ARAP3: variants seen among roughly 807,000 people sequenced by gnomAD.
ARAP3 encodes ArfGAP with RhoGAP domain, ankyrin repeat and PH domain 3, also known as arf-GAP with Rho-GAP domain, ANK repeat and PH domain-containing protein 3.
ARAP3 carries 82 observed loss-of-function variants against 169.2 expected under a neutral mutation model. The ratio of observed to expected loss-of-function variants is 0.48; its 90% CI spans 0.41 to 0.58. ARAP3 has a LOEUF of 0.58. Ranked by LOEUF, ARAP3 falls within the 20% of genes least tolerant of loss-of-function variation. ARAP3 has a pLI of 0.00. For synonymous variants in ARAP3, 791 were observed against 800.3 expected (o/e 0.99, Z 0.20); for missense variants, 1,764 against 2,018.0 (o/e 0.87, Z 2.41).
intron 14 of ARAP3, 56 bp downstream of exon 14, chr5:141,670,456 C>G: frequency 6.5e-7 from 1 of 1,547,120 alleles, no homozygotes; most frequent in Non-Finnish European, 8.9e-7. Context: ...CTGCAGTACC[C>G]TCACACCCAT....
rs1216663503 is a variant in ARAP3 at position 141,671,117 on chromosome 5, G to C, written c.1990+148C>G. 4.6e-6 allele frequency: 5 copies of C among 1,092,246 alleles called. No individual in the cohort carries two copies. Among genetic ancestry groups the C allele is most frequent in the Non-Finnish European group, 6.6e-6 (5 of 756,056 alleles). 67.7% of individuals were successfully genotyped at this position (1,092,246 alleles called of 1,614,324 possible). On this transcript the variant is annotated intron_variant, in intron 13 of 32. Transcript: ENST00000239440. This position sits in a 1 kb window ranked among gnomAD's most constrained non-coding sequence, Gnocchi z 4.9. ...GTCATCAGCTATCACATGACATCAG[G>C]AGATAGGCCCTGGAGGATCTGAGGG...
Position 141,659,415 on chromosome 5 carries a change from T to G in ARAP3, c.3329A>C (p.Asp1110Ala). Residue 1110 changes from aspartate to alanine, a missense_variant, in exon 23 of 33, where the codon GAC (aspartate) becomes GCC (alanine). Transcript: ENST00000239440. ...AAGGTCAGGACGAGTTACCTGCACG[T>G]CCTTCCAGGTGGTGATAAGACTGAC... Reference protein sequence around the residue: ...LEVSLITTWKDVQLSQAGDLI... With the variant: ...LEVSLITTWKAVQLSQAGDLI... 6.2e-7 allele frequency: 1 copy of G among 1,614,118 alleles called. No homozygotes were observed. Among genetic ancestry groups the G allele is most frequent in the Non-Finnish European group, 8.5e-7 (1 of 1,179,962 alleles).
Position 141,671,612 on chromosome 5 carries a change from C to T in ARAP3, c.1812G>A (p.Arg604=). The T allele has an allele frequency of 3.1e-6, 5 of 1,614,088 alleles. No individual in the cohort carries two copies. The highest frequency in any genetic ancestry group is 4.2e-6 in the Non-Finnish European group (5 of 1,179,990). The change falls in exon 12 of 33, where the codon CGG becomes CGA. Residue 604 remains arginine, a synonymous_variant. Coordinates refer to ENST00000239440, the MANE Select transcript of ARAP3 (RefSeq NM_022481.6). The surrounding 1 kb of genome is among the most constrained non-coding windows in gnomAD (Gnocchi z 4.9). ...ISRKYRLGLF[R]KPHPQYPDHS... is the part of the protein sequence containing the mutation. ...GATCTGGGTACTGAGGGTGGGGCTTCCGGAAGAGACCCAGACGGTACTTTC... is the reference window on the plus strand; with the variant it reads ...GATCTGGGTACTGAGGGTGGGGCTTTCGGAAGAGACCCAGACGGTACTTTC...
chr5:141,673,747 C>T lies in ARAP3; in HGVS notation c.760G>A (p.Gly254Arg). 1.2e-6 allele frequency: 2 copies of T among 1,614,168 alleles called. No individual in the cohort carries two copies. Among genetic ancestry groups the T allele is most frequent in the South Asian group, 1.1e-5 (1 of 91,084 alleles). ...DAGYASLELP[G>R]DSTLLSPTLE... ...GTGGGCGATAAGAGGGTGGAGTCTC[C>T]AGGTAGCTCAAGGCTGGCATAGCCA... is the stretch of plus-strand genomic sequence containing the variant. The change falls in exon 5 of 33, where the codon GGA becomes AGA. Residue 254 changes from glycine to arginine, a missense_variant. Coordinates refer to ENST00000239440, the MANE Select transcript of ARAP3 (RefSeq NM_022481.6).
At position 141,671,462 on chromosome 5, in the gene ARAP3, C is replaced by T. The variant is rs1044637978; in HGVS notation, c.1855-62G>A. Reference sequence around the variant, plus strand: ...CCAAACTGAGAGCACTGGGGACAGTCGTATCATCACTAAAAACAGTCCCCA... The same window carrying T: ...CCAAACTGAGAGCACTGGGGACAGTTGTATCATCACTAAAAACAGTCCCCA... On this transcript the variant is annotated intron_variant, in intron 12 of 32. Transcript: ENST00000239440. This position sits in a 1 kb window ranked among gnomAD's most constrained non-coding sequence, Gnocchi z 4.9. 15 of 1,597,554 alleles carry T rather than the reference C, an allele frequency of 9.4e-6. No homozygotes were observed. Among genetic ancestry groups the T allele is most frequent in the Admixed American group, 1.7e-5 (1 of 58,568 alleles).
At chr5:141,656,457 T>A in intron 27 of ARAP3, 47 bp downstream of exon 27, 1 of 1,596,452 alleles carries the variant, frequency 6.3e-7, no homozygotes, top group East Asian at 2.3e-5. Flanking sequence ...TCATGGCTCC[T>A]CTCCATGGCC....
chr5:141,679,671 G>A lies in ARAP3; in HGVS notation c.587-15C>T, dbSNP rs2099912703. The A allele has an allele frequency of 6.2e-7, 1 of 1,613,976 alleles. No homozygotes were observed. Among genetic ancestry groups the A allele is most frequent in the Non-Finnish European group, 8.5e-7 (1 of 1,179,912 alleles). ...CATGATGTGCACTGGCAGGAGGAGA[G>A]GGGAACGCACAAGGAAGAGGAGATC... On this transcript the variant is annotated splice_polypyrimidine_tract_variant and intron_variant, in intron 3 of 32. Coordinates refer to ENST00000239440, the MANE Select transcript of ARAP3 (RefSeq NM_022481.6).
chr5:141,654,409 C>T lies in ARAP3; in HGVS notation c.4176G>A (p.Val1392=). 1 of 1,604,248 alleles carries T rather than the reference C, an allele frequency of 6.2e-7. No individual in the cohort carries two copies. Among genetic ancestry groups the T allele is most frequent in the Non-Finnish European group, 8.5e-7 (1 of 1,174,668 alleles). Residue 1392 remains valine (V), a synonymous_variant, in exon 33 of 33, where the codon GTG becomes GTA. Transcript: ENST00000239440. The part of the protein sequence containing the change: ...FFPMKSSQGS[V]EEQEELEEPV... ...GCTCCTCCAGCTCCTCTTGCTCCTC[C>T]ACAGACCCCTGGGATGACTTCATTG...
chr5:141,666,480 C>T lies in ARAP3; in HGVS notation c.2516G>A (p.Gly839Asp). The T allele has an allele frequency of 6.3e-7, 1 of 1,599,518 alleles. No homozygotes were observed. The highest frequency in any genetic ancestry group is 8.5e-7 in the Non-Finnish European group (1 of 1,173,120). The part of the protein sequence containing the change: ...GDHLFLCSAP[G>D]PGPPAPEDMV... The stretch of plus-strand genomic sequence containing the variant: ...GTCCTCAGGGGCTGGGGGGCCTGGG[C>T]CCGGCGCTGAGCACAGGAAGAGGTG... Residue 839 changes from glycine (G) to aspartate (D), a missense_variant, in exon 17 of 33, where the codon GGC (glycine) becomes GAC (aspartate). This residue lies in a region of ARAP3 where 1,112 missense variants were observed against 1,285.7 expected (regional missense o/e 0.86). Transcript: ENST00000239440.
chr5:141,662,994 T>C (rs1168579904), intron 19 of ARAP3, among the ~76,000 whole-genome samples: 1 of 152,198 alleles, frequency 6.6e-6, no homozygotes, highest in Non-Finnish European at 1.5e-5. Flanking sequence ...AAAATGTTAT[T>C]GTAACCAGAG....
In ARAP3 at chr5:141,666,552, G is replaced by A. The variant is rs752549468; in HGVS notation, c.2444C>T (p.Pro815Leu). The A allele has an allele frequency of 1.0e-5, 16 of 1,581,810 alleles. No homozygotes were observed. The highest frequency in any genetic ancestry group is 4.0e-5 in the African/African-American group (3 of 74,096). The change falls in exon 17 of 33, where the codon CCG (proline) becomes CTG (leucine). Residue 815 changes from proline to leucine, a missense_variant. This residue lies in a region of ARAP3 where 1,112 missense variants were observed against 1,285.7 expected (regional missense o/e 0.86). Coordinates refer to ENST00000239440, the MANE Select transcript of ARAP3 (RefSeq NM_022481.6). ...CCCTGACAGCCAGAGACCAGGGGCC[G>A]GGGCTGTATGGGAGGGGGACCGCAG... ...LWLRSPSHTA[P>L]APGLWLSGFG... is the part of the protein sequence containing the mutation.
intron 1 of ARAP3, 27 bp from the exon 2 acceptor site, chr5:141,680,530 G>A (rs368296776): frequency 8.4e-6 from 13 of 1,541,098 alleles, no homozygotes; most frequent in Middle Eastern, 1.8e-4. Flanking sequence ...GGTGAAGGGA[G>A]GGCTCAGGCT....
At chr5:141,679,866 G>A (rs1407719042) in intron 2 of ARAP3, 44 bp from the exon 3 acceptor site, 37 of 1,606,330 alleles carry the variant, frequency 2.3e-5, no homozygotes, top group Non-Finnish European at 3.1e-5. Context: ...AGAGGAGGAA[G>A]AACAAGCCTT....
At position 141,671,175 on chromosome 5, in the gene ARAP3, TC is replaced by T. The variant is rs1328257657; in HGVS notation, c.1990+89del. On this transcript the variant is annotated intron_variant, in intron 13 of 32. Transcript: ENST00000239440. This position sits in a 1 kb window ranked among gnomAD's most constrained non-coding sequence, Gnocchi z 4.9. ...AACTGCCCAGGCTGGGCCATTGTGATCAGCTAATTGGGGCCCCTTGGAAGAA... is the reference window on the plus strand; with the variant it reads ...AACTGCCCAGGCTGGGCCATTGTGATAGCTAATTGGGGCCCCTTGGAAGAA... 2.9e-5 allele frequency: 44 copies of T among 1,500,172 alleles called. No individual in the cohort carries two copies. In the South Asian group the frequency reaches 4.4e-4, roughly 15 times the overall value. The allele number at this position is 1,500,172 out of a possible 1,614,324, so 92.9% of individuals were successfully genotyped here.
Position 141,680,104 on chromosome 5 carries a change from C to A in ARAP3, c.383G>T (p.Ser128Ile). Reference protein sequence around the residue: ...PALGGPGVSRSPEPSPRPPPL... With the variant: ...PALGGPGVSRIPEPSPRPPPL... ...AGGAGGCCTTGGGCTGGGCTCTGGG[C>A]TCCTGGACACTCCTGGTCCCCCGAG... The change falls in exon 2 of 33, where the codon AGC (serine) becomes ATC (isoleucine). Residue 128 changes from serine to isoleucine, a missense_variant. Ser to Ile is a moderately radical substitution (Grantham distance 142). This residue lies in a region of ARAP3 where 630 missense variants were observed against 678.7 expected (regional missense o/e 0.93). Coordinates refer to ENST00000239440, the MANE Select transcript of ARAP3 (RefSeq NM_022481.6). The A allele has an allele frequency of 6.2e-7, 1 of 1,612,810 alleles. No individual in the cohort carries two copies. The highest frequency in any genetic ancestry group is 1.3e-5 in the African/African-American group (1 of 74,994).
In ARAP3 at chr5:141,679,541, T is replaced by C; in HGVS notation, c.698+4A>G. 6.2e-7 allele frequency: 1 copy of C among 1,613,774 alleles called. No individual in the cohort carries two copies. Among genetic ancestry groups the C allele is most frequent in the Non-Finnish European group, 8.5e-7 (1 of 1,179,844 alleles). On this transcript the variant is annotated splice_donor_region_variant and intron_variant, in intron 4 of 32. Coordinates refer to ENST00000239440, the MANE Select transcript of ARAP3 (RefSeq NM_022481.6). ...CTCCCACCACTTCCCTATTTAGTAC[T>C]CACCTGTGTTCAGCCCTGCCCTGAC...
At chr5:141,681,749 T>C (rs1461647029) in intron 1 of ARAP3, among the ~76,000 whole-genome samples, 2 of 152,154 alleles carry the variant, frequency 1.3e-5, no homozygotes, top group African/African-American at 4.8e-5. Flanking sequence ...CCTGTTACTC[T>C]TGTGCTCTGT....
At position 141,664,924 on chromosome 5, in the gene ARAP3, T is replaced by C. The variant is rs955923437; in HGVS notation, c.2798A>G (p.His933Arg). The change falls in exon 19 of 33, where the codon CAT becomes CGT. Residue 933 changes from histidine (H) to arginine (R), a missense_variant and splice_region_variant. Coordinates refer to ENST00000239440, the MANE Select transcript of ARAP3 (RefSeq NM_022481.6). ...VDACISFVTQ[H>R]GLRLEGVYRK... ...AGTACCAGCCAGTGCCTACTCACCA[T>C]GCTGGGTAACAAAACTGATGCAGGC... 3.6e-6 allele frequency: 5 copies of C among 1,388,796 alleles called. No individual in the cohort carries two copies. The allele number at this position is 1,388,796 out of a possible 1,614,324, so 86.0% of individuals were successfully genotyped here.
rs1327312937 is a variant in ARAP3 at position 141,669,806 on chromosome 5, G to A, written c.2255C>T (p.Pro752Leu). 1.2e-6 allele frequency: 2 copies of A among 1,613,924 alleles called. No homozygotes were observed. The highest frequency in any genetic ancestry group is 1.7e-5 in the Admixed American group (1 of 60,008). Reference protein sequence around the residue: ...PPPTDPGDRFPFSFELILAGG... With the variant: ...PPPTDPGDRFLFSFELILAGG... ...AGCGAGGATGAGCTCAAAGGAAAAGGGGAACCTGGAGAGAAGATGAGGTCA... is the reference window on the plus strand; with the variant it reads ...AGCGAGGATGAGCTCAAAGGAAAAGAGGAACCTGGAGAGAAGATGAGGTCA... The change falls in exon 16 of 33, where the codon CCC (proline) becomes CTC (leucine). Residue 752 changes from proline to leucine, a missense_variant. Coordinates refer to ENST00000239440, the MANE Select transcript of ARAP3 (RefSeq NM_022481.6).
Sources: gnomAD v4.1 joint callset for allele counts (sites outside exome capture counted in the v4.1 genomes callset) on GRCh38, gnomAD v4.1.1 for gene constraint, gnomAD v4.1.1 regional missense constraint, Gnocchi (gnomAD v3.1) non-coding constraint, MANE v1.5 for transcripts, NCBI Gene and HGNC (gene_info 2026-07-23, HGNC 2026-07-21) for gene names.